KLHL5: variants seen among roughly 807,000 people sequenced by gnomAD.
KLHL5 encodes kelch like family member 5, also known as kelch-like protein 5.
In KLHL5, 48 loss-of-function variants were observed where a neutral mutation model predicts 77.7. That is an observed-to-expected ratio of 0.62 (90% CI 0.49 to 0.79). The LOEUF is 0.79. Among genes scored for constraint, KLHL5 ranks in the 30% least tolerant of loss-of-function variants. The pLI is 0.00. For missense variants in KLHL5, 723 were observed against 859.7 expected (o/e 0.84, Z 1.99); for synonymous variants, 260 against 297.0 (o/e 0.88, Z 1.28).
the KLHL5 span, among the ~76,000 whole-genome samples, chr4:39,139,417 A>G: frequency 1.3e-3 from 205 of 152,302 alleles, 1 homozygote; most frequent in African/African-American, 4.6e-3. Context: ...GACAGAGCAC[A>G]GGGTTTTTTC....
At chr4:39,112,769 G>T in intron 8 of KLHL5, 1 of 432,988 alleles carries the variant, frequency 2.3e-6, no homozygotes, top group Non-Finnish European at 4.2e-6. Context: ...CAAAGAGATG[G>T]CAGTGATGAA....
chr4:39,116,044 GCTT>G (rs370240910), intron 10 of KLHL5: 31,051 of 985,264 alleles, frequency 0.032, 544 homozygotes, highest in Middle Eastern at 0.039. Context: ...AGAAAACAAA[GCTT>G]CTAGGCCAGG....
intron 9 of KLHL5, among the ~76,000 whole-genome samples, chr4:39,114,849 A>G (rs1245789452): frequency 1.3e-5 from 2 of 152,214 alleles, no homozygotes; most frequent in African/African-American, 2.4e-5. Flanking sequence ...TTGAGGGTGT[A>G]AGTCATCTTA....
intron 1 of KLHL5, among the ~76,000 whole-genome samples, chr4:39,046,670 T>G (rs753591301): frequency 1.3e-5 from 2 of 152,212 alleles, no homozygotes. Flanking sequence ...CAAGGCGTTT[T>G]CCAGTAATGA....
intron 5 of KLHL5, among the ~76,000 whole-genome samples, chr4:39,090,612 A>G (rs1009088341): frequency 9.9e-5 from 15 of 151,478 alleles, no homozygotes; most frequent in African/African-American, 3.4e-4. Context: ...ACCACCCCCA[A>G]CTAATTTTGT....
chr4:39,107,571 G>T lies in KLHL5; in HGVS notation c.1528G>T (p.Val510Leu), dbSNP rs762160293. ...AATTGTTTCCTGTCTCCTCATAGGT[G>T]TGGCTGTACTGGAAGGTCCCATGTA... ...PMSTHRHGLG[V>L]AVLEGPMYAV... Residue 510 changes from valine (V) to leucine (L), a missense_variant and splice_region_variant, in exon 8 of 11, where the codon GTG becomes TTG. Physicochemically the swap from Val to Leu is conservative, Grantham distance 32 (BLOSUM62 1). Around this residue, in one of 3 missense-constraint regions of KLHL5, gnomAD observed 288 missense variants for 400.3 expected, o/e 0.72. Transcript: ENST00000504108. 1 of 1,605,520 alleles carries T rather than the reference G, an allele frequency of 6.2e-7. No individual in the cohort carries two copies. The highest frequency in any genetic ancestry group is 2.2e-5 in the East Asian group (1 of 44,798).
the KLHL5 span, among the ~76,000 whole-genome samples, chr4:39,136,687 G>C: frequency 1.3e-5 from 2 of 152,196 alleles, no homozygotes; most frequent in Non-Finnish European, 2.9e-5. Context: ...GTCAGAGCCT[G>C]AGTAGGATGA....
intron 4 of KLHL5, among the ~76,000 whole-genome samples, chr4:39,085,187 A>C (rs985198524): frequency 3.9e-5 from 6 of 152,164 alleles, no homozygotes; most frequent in African/African-American, 1.4e-4. Context: ...TGTTTCTGAA[A>C]ATGATAATCC....
At chr4:39,072,945 A>C (rs572687734) in intron 1 of KLHL5, among the ~76,000 whole-genome samples, 138 of 152,296 alleles carry the variant, frequency 9.1e-4, no homozygotes, top group African/African-American at 2.9e-3. Flanking sequence ...AGAGGGCTCT[A>C]AATGTTTTTC....
chr4:39,140,973 T>G, the KLHL5 span, among the ~76,000 whole-genome samples: 1 of 152,194 alleles, frequency 6.6e-6, no homozygotes, highest in Non-Finnish European at 1.5e-5. Context: ...ACCTTCAAAA[T>G]TATCAAATTT....
upstream of KLHL5, chr4:39,044,862 C>A (rs1348349234): frequency 4.8e-6 from 4 of 838,896 alleles, no homozygotes; most frequent in African/African-American, 7.4e-5. Context: ...CGCCCGCCCC[C>A]TCCGGGGCCA....
intron 5 of KLHL5, among the ~76,000 whole-genome samples, chr4:39,094,174 C>T (rs1174068181): frequency 6.6e-6 from 1 of 151,822 alleles, no homozygotes; most frequent in Non-Finnish European, 1.5e-5. Context: ...TTGCATAACA[C>T]GTAGAGTTTA....
chr4:39,101,864 A>ATG (rs1274820077), intron 6 of KLHL5, among the ~76,000 whole-genome samples: 1 of 130,352 alleles, frequency 7.7e-6, no homozygotes, highest in Non-Finnish European at 1.6e-5. Context: ...AAAAAAATAT[A>ATG]TATATATATA....
chr4:39,107,446 C>T (rs936469877), intron 7 of KLHL5, 123 bp from the exon 8 acceptor site: 1 of 315,868 alleles, frequency 3.2e-6, no homozygotes, highest in African/African-American at 2.4e-5. Flanking sequence ...TTGTCTGCAT[C>T]ATAAATGTTT....
At chr4:39,044,840 C>A, upstream of KLHL5, 2 of 544,318 alleles carry the variant, frequency 3.7e-6, no homozygotes, top group Non-Finnish European at 4.7e-6. Context: ...CGGTCCCCTA[C>A]CCCCACCTAC....
rs1401120116 is a variant in KLHL5, at chr4:39,069,566, AT to A, written c.384-6398del. 6.7e-3 allele frequency among the ~76,000 whole-genome samples: 986 copies of A among 146,850 alleles called. 20 individuals are homozygous for A. Among genetic ancestry groups the A allele is most frequent in the Middle Eastern group, 0.028 (8 of 284 alleles). ...TATATATATATATATATATATATAT[AT>A]AAACCATAGAGCCATCAGAAAATAG... On this transcript the variant is annotated intron_variant, in intron 1 of 10. Coordinates refer to ENST00000504108, the MANE Select transcript of KLHL5 (RefSeq NM_015990.5).
chr4:39,100,541 T>G (rs752490479), intron 6 of KLHL5, among the ~76,000 whole-genome samples: 1 of 152,208 alleles, frequency 6.6e-6, no homozygotes, highest in Non-Finnish European at 1.5e-5. Context: ...TTCTCTTTTA[T>G]AGATAGGGAA....
At position 39,121,260 on chromosome 4, in the gene KLHL5, A is replaced by T; in HGVS notation, c.*194A>T. On this transcript the variant is annotated 3_prime_UTR_variant, in exon 11 of 11. Coordinates refer to ENST00000504108, the MANE Select transcript of KLHL5 (RefSeq NM_015990.5). ...CCAGGATTAATTCCTTTCATTTCTT[A>T]GTAAATTAAAACCTGCAGCTGGTGG... 5.2e-6 allele frequency: 3 copies of T among 581,840 alleles called. No homozygotes were observed. Among genetic ancestry groups the T allele is most frequent in the Non-Finnish European group, 9.1e-6 (3 of 328,202 alleles). 36.0% of individuals were successfully genotyped at this position (581,840 alleles called of 1,614,324 possible).
At chr4:39,107,882 T>C in intron 8 of KLHL5, 151 bp downstream of exon 8, 1 of 549,690 alleles carries the variant, frequency 1.8e-6, no homozygotes, top group East Asian at 3.0e-5. Flanking sequence ...GTAAATATAT[T>C]GTTTTAATAG....
Sources: gnomAD v4.1 joint callset for allele counts (sites outside exome capture counted in the v4.1 genomes callset) on GRCh38, gnomAD v4.1.1 for gene constraint, gnomAD v4.1.1 regional missense constraint, MANE v1.5 for transcripts, NCBI Gene and HGNC (gene_info 2026-07-23, HGNC 2026-07-21) for gene names.